KIF3C: variants seen among roughly 807,000 people sequenced by gnomAD.
The protein encoded by KIF3C is kinesin-like protein KIF3C.
In KIF3C, 12 loss-of-function variants were observed where a neutral mutation model predicts 67.7. The observed-to-expected ratio is 0.18, with a 90% CI of 0.11 to 0.29. The LOEUF (loss-of-function observed/expected upper bound fraction) is 0.29. Among genes scored for constraint, KIF3C ranks in the 10% least tolerant of loss-of-function variants. The pLI is 1.00. For missense variants in KIF3C, 789 were observed against 1,059.6 expected, an observed-to-expected ratio of 0.74 and a Z score of 3.55; for synonymous variants, 393 against 426.2, an observed-to-expected ratio of 0.92 and a Z score of 0.96.
intron 1 of KIF3C, among the ~76,000 whole-genome samples, chr2:25,963,754 G>A (rs1412111014): frequency 2.0e-5 from 3 of 150,636 alleles, no homozygotes; most frequent in African/African-American, 2.4e-5. Context: ...GTGCAGTGGC[G>A]TGATCTCGGC....
chr2:25,938,670 C>G (rs545448805), intron 5 of KIF3C, among the ~76,000 whole-genome samples: 1 of 152,110 alleles, frequency 6.6e-6, no homozygotes, highest in African/African-American at 2.4e-5. Flanking sequence ...ACCTTCCCAT[C>G]GGCTCCCTCT....
intron 1 of KIF3C, among the ~76,000 whole-genome samples, chr2:25,963,013 TATATATAATATATAATATATA>T (rs70950144): frequency 1.1e-4 from 5 of 44,342 alleles, no homozygotes; most frequent in South Asian, 5.1e-4. Flanking sequence ...TAATATATAA[TATATATAATATATAATATATA>T]ATATATAATA....
At position 25,979,881 on chromosome 2, in the gene KIF3C, A is replaced by C. The variant is rs377020580; in HGVS notation, c.1545+492T>G. On this transcript the variant is annotated intron_variant, in intron 1 of 7. Coordinates refer to ENST00000264712, the MANE Select transcript of KIF3C (RefSeq NM_002254.8). ...TTCAGAACTGTGACCCTGGATGGCC[A>C]AAGGATCCAATGAGATCATGTATGG... 5.3e-5 allele frequency among the ~76,000 whole-genome samples: 8 copies of C among 152,338 alleles called. 1 individual carries two copies. In the East Asian group the frequency reaches 1.5e-3, roughly 29 times the overall value.
intron 1 of KIF3C, among the ~76,000 whole-genome samples, chr2:25,963,847 C>T (rs1304411496): frequency 1.3e-5 from 2 of 151,962 alleles, no homozygotes; most frequent in East Asian, 3.9e-4. Flanking sequence ...TGTGTACCAC[C>T]ACACCTGGCT....
intron 1 of KIF3C, among the ~76,000 whole-genome samples, chr2:25,971,301 G>A (rs1315654632): frequency 4.0e-5 from 6 of 149,538 alleles, no homozygotes; most frequent in Admixed American, 6.7e-5. Flanking sequence ...ATAGCAGGAC[G>A]TGGTGGCGCG....
At chr2:25,929,913 G>T in intron 6 of KIF3C, 42 bp downstream of exon 6, 1 of 1,409,700 alleles carries the variant, frequency 7.1e-7, no homozygotes, top group Non-Finnish European at 1.0e-6. Flanking sequence ...ACCTCGCCCG[G>T]CCTCCCTCCC....
chr2:25,935,103 G>C (rs147106418), intron 5 of KIF3C, among the ~76,000 whole-genome samples: 1,966 of 152,110 alleles, frequency 0.013, 50 homozygotes, highest in African/African-American at 0.045. Context: ...AATTAGCCGG[G>C]CATGGTGGCT....
chr2:25,961,730 G>T (rs1009358604), intron 1 of KIF3C, among the ~76,000 whole-genome samples: 1 of 152,202 alleles, frequency 6.6e-6, no homozygotes, highest in Non-Finnish European at 1.5e-5. Context: ...TGAATTGGGA[G>T]TACTGTGTGT....
chr2:25,940,979 T>C (rs1663270357), intron 5 of KIF3C, among the ~76,000 whole-genome samples: 2 of 152,010 alleles, frequency 1.3e-5, no homozygotes, highest in Non-Finnish European at 2.9e-5. Context: ...AAATCCAAAG[T>C]CTAGTCTCTC....
chr2:25,948,694 GGAAA>G (rs1209772147), intron 5 of KIF3C, among the ~76,000 whole-genome samples: 4 of 142,400 alleles, frequency 2.8e-5, no homozygotes, highest in Non-Finnish European at 4.6e-5. Flanking sequence ...AAGAAAGGAA[GGAAA>G]GAAGGAAGGA....
intron 5 of KIF3C, among the ~76,000 whole-genome samples, chr2:25,943,582 G>A (rs995819390): frequency 1.3e-5 from 2 of 152,098 alleles, no homozygotes; most frequent in South Asian, 2.1e-4. Context: ...GGTGGCTCAC[G>A]CCTGTAATAC....
intron 1 of KIF3C, among the ~76,000 whole-genome samples, chr2:25,963,698 T>C (rs1664067949): frequency 1.3e-5 from 2 of 148,610 alleles, no homozygotes; most frequent in African/African-American, 4.9e-5. Flanking sequence ...ATTATTATTA[T>C]TATTATTATT....
At chr2:25,936,022 G>A (rs960013097) in intron 5 of KIF3C, among the ~76,000 whole-genome samples, 10 of 151,838 alleles carry the variant, frequency 6.6e-5, no homozygotes, top group Non-Finnish European at 1.2e-4. Context: ...GGGAGGCGGA[G>A]GTTGTAGTGA....
At chr2:25,962,796 T>TTATATAATATATAATA (rs1420533168) in intron 1 of KIF3C, among the ~76,000 whole-genome samples, 1 of 78,750 alleles carries the variant, frequency 1.3e-5, no homozygotes, top group Non-Finnish European at 2.3e-5. Flanking sequence ...ATAATATATA[T>TTATATAATATATAATA]TATATAATAT....
At chr2:25,970,881 T>C (rs1402265415) in intron 1 of KIF3C, among the ~76,000 whole-genome samples, 4 of 150,370 alleles carry the variant, frequency 2.7e-5, no homozygotes, top group Non-Finnish European at 4.4e-5. Context: ...ATCCCAGCTC[T>C]TTGGGAGTCC....
chr2:25,945,056 G>T (rs1247895265), intron 5 of KIF3C, among the ~76,000 whole-genome samples: 1 of 150,274 alleles, frequency 6.7e-6, no homozygotes, highest in East Asian at 2.0e-4. Context: ...ACTTGAACCC[G>T]GGAGGTGGAG....
chr2:25,968,850 G>C (rs1038220372), intron 1 of KIF3C, among the ~76,000 whole-genome samples: 11 of 151,158 alleles, frequency 7.3e-5, no homozygotes, highest in Non-Finnish European at 1.5e-4. Context: ...TTGAGACAGA[G>C]TCTTGCTCTG....
At chr2:25,945,451 C>T (rs1663405490) in intron 5 of KIF3C, among the ~76,000 whole-genome samples, 1 of 150,668 alleles carries the variant, frequency 6.6e-6, no homozygotes, top group Admixed American at 6.7e-5. Flanking sequence ...CCTGTAATCC[C>T]AGCTACTTAG....
intron 1 of KIF3C, among the ~76,000 whole-genome samples, chr2:25,963,048 A>ATAATATATAATATAT (rs1491530733): frequency 3.8e-5 from 3 of 78,452 alleles, no homozygotes; most frequent in South Asian, 3.1e-4. Flanking sequence ...TATAATATAT[A>ATAATATATAATATAT]AATATATAAA....
Sources: allele counts gnomAD v4.1 joint callset (sites outside exome capture counted in the v4.1 genomes callset), GRCh38; gene constraint gnomAD v4.1.1; transcripts MANE v1.5; gene names NCBI Gene and HGNC (gene_info 2026-07-23, HGNC 2026-07-21).